The following TRDN variants were observed in gnomAD, a reference collection of about 807,000 sequenced individuals.
TRDN encodes the protein triadin, also known as triadin in skeletal muscle.
A neutral mutation model predicts 149.7 loss-of-function variants in TRDN; 161 were observed. The observed-to-expected ratio is 1.08, with a 90% confidence interval of 0.95 to 1.23. TRDN has a LOEUF of 1.23. TRDN is among the 50% of genes most tolerant of loss of function. The pLI is 0.00. For missense variants in TRDN, 896 were observed against 823.5 expected (o/e 1.09, Z -1.08); for synonymous variants, 294 against 250.5 (o/e 1.17, Z -1.64).
At chr6:123,574,857 C>CATACATATATATAT (rs1782755649) in intron 1 of TRDN, among the ~76,000 whole-genome samples, 2 of 50,570 alleles carry the variant, frequency 4.0e-5, no homozygotes, top group Admixed American at 2.6e-4. Context: ...TTTATATATA[C>CATACATATATATAT]ATATATATAT....
chr6:123,326,477 A>G (rs1779460454), intron 23 of TRDN, among the ~76,000 whole-genome samples: 1 of 151,954 alleles, frequency 6.6e-6, no homozygotes, highest in South Asian at 2.1e-4. Flanking sequence ...ATGTATTTCT[A>G]CTTTTTAAAA....
At chr6:123,597,193 C>T (rs1215494268) in intron 1 of TRDN, among the ~76,000 whole-genome samples, 1 of 151,992 alleles carries the variant, frequency 6.6e-6, no homozygotes, top group Non-Finnish European at 1.5e-5. Context: ...CTCATGATCA[C>T]TTTAAGGGGT....
intron 34 of TRDN, among the ~76,000 whole-genome samples, chr6:123,259,956 C>T (rs1776705962): frequency 6.6e-6 from 1 of 151,376 alleles, no homozygotes; most frequent in South Asian, 2.1e-4. Flanking sequence ...CCTCCTCCTA[C>T]TTCTTTTTTT....
At chr6:123,466,178 A>C (rs537805027) in intron 9 of TRDN, among the ~76,000 whole-genome samples, 369 of 152,360 alleles carry the variant, frequency 2.4e-3, no homozygotes, top group Middle Eastern at 6.8e-3. Context: ...TCATTATGGA[A>C]GTAAAGATTG....
At chr6:123,509,759 G>C in intron 7 of TRDN, 1 of 151,884 alleles carries the variant, frequency 6.6e-6, no homozygotes. Context: ...CTCAGATTTT[G>C]TGGTAATGCT....
chr6:123,495,077 C>A (rs1327925194), intron 9 of TRDN, among the ~76,000 whole-genome samples: 2 of 151,996 alleles, frequency 1.3e-5, no homozygotes, highest in Non-Finnish European at 2.9e-5. Context: ...GACAGGGTCT[C>A]ACCCTGTAGC....
intron 23 of TRDN, among the ~76,000 whole-genome samples, chr6:123,319,867 C>T (rs777231554): frequency 6.6e-6 from 1 of 151,942 alleles, no homozygotes; most frequent in Non-Finnish European, 1.5e-5. Flanking sequence ...GCTGATGGGC[C>T]TGGGGAAGGG....
intron 9 of TRDN, among the ~76,000 whole-genome samples, chr6:123,465,422 G>A (rs1776726807): frequency 6.6e-6 from 1 of 151,584 alleles, no homozygotes. Flanking sequence ...ATAAAAGAAG[G>A]TTGAAATTCA....
At chr6:123,324,941 C>T (rs1779385455) in intron 23 of TRDN, among the ~76,000 whole-genome samples, 1 of 152,136 alleles carries the variant, frequency 6.6e-6, no homozygotes, top group Non-Finnish European at 1.5e-5. Flanking sequence ...GTCCAACTTT[C>T]ACTTTAACAA....
intron 12 of TRDN, among the ~76,000 whole-genome samples, chr6:123,411,267 G>A (rs964053768): frequency 2.6e-5 from 4 of 151,912 alleles, no homozygotes; most frequent in East Asian, 3.9e-4. Flanking sequence ...GGCGGGTCTC[G>A]AACTCCTGAC....
rs147784584 is a variant in TRDN at position 123,245,171 on chromosome 6, G to A, written c.1975+7241C>T. On this transcript the variant is annotated intron_variant, in intron 38 of 40. Coordinates refer to ENST00000334268, the MANE Select transcript of TRDN (RefSeq NM_006073.4). The stretch of plus-strand genomic sequence containing the variant: ...AAAATGTGAAGACTATCAACACCAT[G>A]AAGAAACCGCATCAACTAATATGCA... 4.2e-3 allele frequency among the ~76,000 whole-genome samples: 634 copies of A among 152,252 alleles called. 4 individuals are homozygous for A. The highest frequency in any genetic ancestry group is 7.2e-3 in the Non-Finnish European group (490 of 68,008).
chr6:123,538,854 A>G (rs1462696209), intron 4 of TRDN, among the ~76,000 whole-genome samples: 3 of 152,086 alleles, frequency 2.0e-5, no homozygotes, highest in Non-Finnish European at 4.4e-5. Context: ...TTTCTCTTCG[A>G]ATTTTATTTT....
chr6:123,503,436 A>C (rs1019805504), intron 8 of TRDN: 57 of 985,210 alleles, frequency 5.8e-5, no homozygotes, highest in Non-Finnish European at 6.9e-5. Flanking sequence ...TCAAAAATTC[A>C]ACATTTATCC....
At chr6:123,459,956 T>G (rs1192027664) in intron 10 of TRDN, among the ~76,000 whole-genome samples, 1 of 152,228 alleles carries the variant, frequency 6.6e-6, no homozygotes, top group Non-Finnish European at 1.5e-5. Flanking sequence ...GTAGTTGTTT[T>G]GAGAGTAAAA....
intron 1 of TRDN, among the ~76,000 whole-genome samples, chr6:123,617,700 T>A (rs1231177006): frequency 6.6e-6 from 1 of 152,156 alleles, no homozygotes; most frequent in African/African-American, 2.4e-5. Context: ...TATTTATTTT[T>A]AAAAAGATTT....
intron 1 of TRDN, among the ~76,000 whole-genome samples, chr6:123,582,193 G>C (rs930896618): frequency 6.6e-6 from 1 of 152,104 alleles, no homozygotes; most frequent in African/African-American, 2.4e-5. Flanking sequence ...ATTTCCACTC[G>C]AACTGAGGGG....
chr6:123,475,853 C>T (rs1222589914), intron 9 of TRDN, among the ~76,000 whole-genome samples: 1 of 152,146 alleles, frequency 6.6e-6, no homozygotes, highest in Non-Finnish European at 1.5e-5. Context: ...CAACGAAATT[C>T]AGCAACCCGT....
At chr6:123,276,911 C>A (rs1777387973) in intron 26 of TRDN, among the ~76,000 whole-genome samples, 1 of 152,118 alleles carries the variant, frequency 6.6e-6, no homozygotes, top group South Asian at 2.1e-4. Context: ...GAAGGCAGGG[C>A]TGTCAGCACA....
At chr6:123,327,753 T>C (rs1779512522) in intron 23 of TRDN, among the ~76,000 whole-genome samples, 1 of 152,152 alleles carries the variant, frequency 6.6e-6, no homozygotes, top group Admixed American at 6.5e-5. Flanking sequence ...TTGGAATATT[T>C]ATGAAGATGG....
Sources: gnomAD v4.1 joint callset for allele counts (sites outside exome capture counted in the v4.1 genomes callset) on GRCh38, gnomAD v4.1.1 for gene constraint, MANE v1.5 for transcripts, NCBI Gene and HGNC (gene_info 2026-07-23, HGNC 2026-07-21) for gene names.